The following MGLL variants were observed in gnomAD, a reference collection of about 807,000 sequenced individuals.
MGLL encodes monoglyceride lipase.
MGLL carries 7 observed loss-of-function variants against 29.1 expected under a neutral mutation model. The observed-to-expected ratio is 0.24, with a 90% CI of 0.14 to 0.45. The LOEUF (loss-of-function observed/expected upper bound fraction) is 0.45. Among genes scored for constraint, MGLL ranks in the 20% least tolerant of loss-of-function variants. MGLL has a pLI of 0.99. For missense variants in MGLL, 356 were observed against 413.6 expected, an observed-to-expected ratio of 0.86 and a Z score of 1.21; for synonymous variants, 148 against 168.3, an observed-to-expected ratio of 0.88 and a Z score of 0.93.
rs4305384 is a variant in MGLL at position 127,736,056 on chromosome 3, A to G, written c.263-13490T>C. On this transcript the variant is annotated intron_variant, in intron 3 of 7. Coordinates refer to ENST00000265052, the MANE Select transcript of MGLL (RefSeq NM_007283.7). ...TTTTCCCTTGAAAACATTCAGTTAG[A>G]TCTGTTGTCCTCTGTGAGATTACAG... 7 of 1,346,360 alleles carry G rather than the reference A, an allele frequency of 5.2e-6. No individual in the cohort carries two copies. In the African/African-American group the frequency reaches 1.0e-4, roughly 20 times the overall value. 83.4% of individuals were successfully genotyped at this position (1,346,360 alleles called of 1,614,324 possible).
intron 2 of MGLL, among the ~76,000 whole-genome samples, chr3:127,792,171 A>G (rs2077310701): frequency 1.3e-5 from 2 of 152,154 alleles, no homozygotes; most frequent in African/African-American, 4.8e-5. Context: ...TACATCTATC[A>G]ATCTGGCTTT....
At chr3:127,800,207 C>G (rs1293485304) in intron 2 of MGLL, among the ~76,000 whole-genome samples, 1 of 152,188 alleles carries the variant, frequency 6.6e-6, no homozygotes, top group African/African-American at 2.4e-5. Context: ...AACCTAGGTC[C>G]CTGAATGGCC....
At chr3:127,735,571 CATACTT>C (rs1370178222) in intron 3 of MGLL, 33 of 942,490 alleles carry the variant, frequency 3.5e-5, no homozygotes, top group Non-Finnish European at 4.6e-5. Flanking sequence ...TTTAGAGACT[CATACTT>C]ATGTGATAAA....
chr3:127,702,642 G>A (rs534859638), intron 6 of MGLL, among the ~76,000 whole-genome samples: 5 of 152,176 alleles, frequency 3.3e-5, no homozygotes, highest in Non-Finnish European at 7.3e-5. Context: ...CATTCTTTCC[G>A]CCAAATTACT....
In MGLL at chr3:127,736,029, T is replaced by C. The variant is rs908900749; in HGVS notation, c.263-13463A>G. On this transcript the variant is annotated intron_variant, in intron 3 of 7. Coordinates refer to ENST00000265052, the MANE Select transcript of MGLL (RefSeq NM_007283.7). ...AGGTTTAACATGGAACAGACCTTTTTATTTTCCCTTGAAAACATTCAGTTA... is the reference window on the plus strand; with the variant it reads ...AGGTTTAACATGGAACAGACCTTTTCATTTTCCCTTGAAAACATTCAGTTA... 2.2e-5 allele frequency: 31 copies of C among 1,383,318 alleles called. No individual in the cohort carries two copies. In the African/African-American group the frequency reaches 3.8e-4, roughly 17 times the overall value. The allele number at this position is 1,383,318 out of a possible 1,614,324, so 85.7% of individuals were successfully genotyped here. A position where few individuals can be genotyped will look rare whatever the true frequency, so the allele number is the denominator to read the frequency against.
intron 3 of MGLL, among the ~76,000 whole-genome samples, chr3:127,729,043 T>G (rs2076097622): frequency 1.3e-5 from 2 of 152,132 alleles, no homozygotes; most frequent in Non-Finnish European, 2.9e-5. Context: ...TTCTTAACAT[T>G]TAGGAGCTGT....
intron 2 of MGLL, among the ~76,000 whole-genome samples, chr3:127,789,623 G>A (rs754347385): frequency 4.6e-5 from 7 of 151,968 alleles, no homozygotes; most frequent in South Asian, 2.1e-4. Flanking sequence ...ACTTGAGCCC[G>A]GGAGGTGGAG....
At chr3:127,721,840 T>C (rs1053394070) in intron 4 of MGLL, among the ~76,000 whole-genome samples, 6 of 141,014 alleles carry the variant, frequency 4.3e-5, no homozygotes, top group African/African-American at 1.2e-4. Flanking sequence ...TCAATATATC[T>C]TGGTCAGCCA....
At chr3:127,784,236 C>T (rs967732881) in intron 2 of MGLL, among the ~76,000 whole-genome samples, 3 of 152,206 alleles carry the variant, frequency 2.0e-5, no homozygotes, top group Non-Finnish European at 2.9e-5. Flanking sequence ...ATTGGAGTCA[C>T]CTGGGGAGCT....
At chr3:127,701,896 T>C (rs1487423081) in intron 6 of MGLL, among the ~76,000 whole-genome samples, 2 of 152,198 alleles carry the variant, frequency 1.3e-5, no homozygotes, top group African/African-American at 2.4e-5. Flanking sequence ...TTTCCTCCTG[T>C]GGACAGGTGC....
At chr3:127,804,782 C>G (rs1486139170) in intron 2 of MGLL, among the ~76,000 whole-genome samples, 1 of 152,156 alleles carries the variant, frequency 6.6e-6, no homozygotes, top group Non-Finnish European at 1.5e-5. Context: ...CCTGCCACCC[C>G]AGAGAGGCAC....
chr3:127,732,913 T>C (rs2076176721), intron 3 of MGLL, among the ~76,000 whole-genome samples: 1 of 151,976 alleles, frequency 6.6e-6, no homozygotes, highest in Non-Finnish European at 1.5e-5. Flanking sequence ...CCCAGGGCTG[T>C]CTGAGCAGAG....
In MGLL at chr3:127,778,917, A is replaced by G. The variant is rs141577398; in HGVS notation, c.262+2872T>C. On this transcript the variant is annotated intron_variant, in intron 3 of 7. Coordinates refer to ENST00000265052, the MANE Select transcript of MGLL (RefSeq NM_007283.7). ...TAGGTATATACCATGGGGCCCAGCT[A>G]ATTAAAAAAAATTATTTTGTAGAGA... is the stretch of plus-strand genomic sequence containing the variant. Among the ~76,000 whole-genome samples, 528 of 152,138 alleles carry G rather than the reference A, an allele frequency of 3.5e-3. 5 individuals are homozygous for G. Among genetic ancestry groups the G allele is most frequent in the African/African-American group, 0.012 (512 of 41,510 alleles).
At chr3:127,746,624 C>T (rs368541550) in intron 3 of MGLL, among the ~76,000 whole-genome samples, 3 of 152,184 alleles carry the variant, frequency 2.0e-5, no homozygotes, top group Non-Finnish European at 4.4e-5. Flanking sequence ...TCTAGCTGCA[C>T]CCCCTGTCTT....
intron 6 of MGLL, among the ~76,000 whole-genome samples, chr3:127,707,070 G>A (rs1446218837): frequency 1.3e-5 from 2 of 152,300 alleles, no homozygotes; most frequent in Non-Finnish European, 2.9e-5. Context: ...TGGCTCCCGG[G>A]TGCTCAGAAC....
rs1471197989 is a variant in MGLL, at chr3:127,761,266, CA to C, written c.262+20522del. ...GAGGGATTTCTGGGGTGCTGATGAC[CA>C]GACTGCGTCACTTTCCAGGGCCCAC... On this transcript the variant is annotated intron_variant, in intron 3 of 7. Transcript: ENST00000265052. This position sits in a 1 kb window ranked among gnomAD's most constrained non-coding sequence, Gnocchi z 4.6. 6.6e-6 allele frequency among the ~76,000 whole-genome samples: 1 copy of C among 152,228 alleles called. No individual in the cohort carries two copies. Among genetic ancestry groups the C allele is most frequent in the East Asian group, 1.9e-4 (1 of 5,198 alleles).
chr3:127,697,863 C>T (rs753967812), intron 6 of MGLL, among the ~76,000 whole-genome samples: 21 of 152,250 alleles, frequency 1.4e-4, no homozygotes, highest in Admixed American at 9.8e-4. Context: ...GCTGGGCCAC[C>T]ACCCCATCCC....
At chr3:127,786,657 G>A (rs911260212) in intron 2 of MGLL, among the ~76,000 whole-genome samples, 1 of 152,240 alleles carries the variant, frequency 6.6e-6, no homozygotes, top group Non-Finnish European at 1.5e-5. Context: ...ATCGAAAAAC[G>A]AATGCCCCTT....
At chr3:127,820,899 A>C (rs2077847385) in intron 2 of MGLL, among the ~76,000 whole-genome samples, 1 of 152,134 alleles carries the variant, frequency 6.6e-6, no homozygotes, top group African/African-American at 2.4e-5. Flanking sequence ...GAAATTTTAC[A>C]CCTGTGTGAG....
Sources: gnomAD v4.1 joint callset for allele counts (sites outside exome capture counted in the v4.1 genomes callset) on GRCh38, gnomAD v4.1.1 for gene constraint, Gnocchi (gnomAD v3.1) non-coding constraint, MANE v1.5 for transcripts, NCBI Gene and HGNC (gene_info 2026-07-23, HGNC 2026-07-21) for gene names.